The following SLC11A2 variants were observed in gnomAD, a reference collection of about 807,000 sequenced individuals.
The protein encoded by SLC11A2 is solute carrier family 11 member 2.
Under a neutral mutation model 68.0 loss-of-function variants are expected in SLC11A2, and 38 were observed. The ratio of observed to expected loss-of-function variants is 0.56; its 90% CI spans 0.43 to 0.73. SLC11A2 has a LOEUF of 0.73. Ranked by LOEUF, SLC11A2 falls within the 30% of genes least tolerant of loss-of-function variation. SLC11A2 has a pLI of 0.00. For synonymous variants in SLC11A2, 242 were observed against 250.6 expected (o/e 0.97, Z 0.32); for missense variants, 517 against 690.5 (o/e 0.75, Z 2.82).
At position 50,994,643 on chromosome 12, in the gene SLC11A2, G is replaced by A. The variant is rs772752266; in HGVS notation, c.991-13C>T. 6.4e-7 allele frequency: 1 copy of A among 1,558,864 alleles called. No individual in the cohort carries two copies. Among genetic ancestry groups the A allele is most frequent in the Non-Finnish European group, 8.9e-7 (1 of 1,129,578 alleles). On this transcript the variant is annotated splice_polypyrimidine_tract_variant and intron_variant, in intron 10 of 15. Coordinates refer to ENST00000262052, the MANE Select transcript of SLC11A2 (RefSeq NM_000617.3). The stretch of plus-strand genomic sequence containing the variant: ...TACAGACTTCAACCTAGAACCCAAA[G>A]CAATTCAACAGCAACTTTTGTTTCA...
At position 50,992,236 on chromosome 12, in the gene SLC11A2, T is replaced by A; in HGVS notation, c.1301A>T (p.His434Leu). 6.2e-7 allele frequency: 1 copy of A among 1,614,092 alleles called. No homozygotes were observed. The highest frequency in any genetic ancestry group is 8.5e-7 in the Non-Finnish European group (1 of 1,179,954). ...CAGAAAGTCATTCATCCCTGTTAGA[T>A]GCTCTACATCTTGGAAGACAGCAAC... ...LLVAVFQDVE[H>L]LTGMNDFLNV... The change falls in exon 13 of 16, where the codon CAT (histidine) becomes CTT (leucine). Residue 434 changes from histidine (H) to leucine (L), a missense_variant. His to Leu is a moderately conservative substitution (Grantham distance 99). Coordinates refer to ENST00000262052, the MANE Select transcript of SLC11A2 (RefSeq NM_000617.3).
Position 51,008,589 on chromosome 12 carries a change from G to T in SLC11A2, c.70C>A (p.Leu24Ile). Residue 24 changes from leucine to isoleucine, a missense_variant, in exon 3 of 16, where the codon CTT (leucine) becomes ATT (isoleucine). Transcript: ENST00000262052. ...CTATAGGCAGGGTTGATGTTACCAA[G>T]ACTGGCAGACTCCCCATGATCTCCA... is the stretch of plus-strand genomic sequence containing the variant. ...VSGDHGESAS[L>I]GNINPAYSNP... 1.2e-6 allele frequency: 2 copies of T among 1,612,842 alleles called. No individual in the cohort carries two copies. The highest frequency in any genetic ancestry group is 1.7e-6 in the Non-Finnish European group (2 of 1,178,920).
chr12:50,997,902 C>T (rs527632026), intron 8 of SLC11A2, among the ~76,000 whole-genome samples: 1 of 150,618 alleles, frequency 6.6e-6, no homozygotes, highest in African/African-American at 2.4e-5. Context: ...GCAGGAGAAT[C>T]GCTTGAACCT....
downstream of SLC11A2, among the ~76,000 whole-genome samples, chr12:50,977,717 G>A (rs914570169): frequency 2.0e-5 from 3 of 152,046 alleles, no homozygotes; most frequent in African/African-American, 4.8e-5. Context: ...GCAACCTACA[G>A]AATGGGAGAA....
chr12:50,955,938 C>T, the SLC11A2 span, among the ~76,000 whole-genome samples: 1 of 152,104 alleles, frequency 6.6e-6, no homozygotes, highest in African/African-American at 2.4e-5. Context: ...AAAAGTGTTT[C>T]CAGCTAAATT....
downstream of SLC11A2, among the ~76,000 whole-genome samples, chr12:50,978,347 A>G (rs1470969477): frequency 2.6e-5 from 4 of 152,010 alleles, no homozygotes; most frequent in Admixed American, 6.6e-5. Context: ...TTCTAGGGAC[A>G]TGGATGAAGC....
rs1565980989 is a variant in SLC11A2 at position 50,987,721 on chromosome 12, AC to A, written c.*603del. The A allele has an allele frequency of 7.8e-7, 1 of 1,287,130 alleles. No individual in the cohort carries two copies. Among genetic ancestry groups the A allele is most frequent in the Non-Finnish European group, 1.0e-6 (1 of 988,650 alleles). The allele number at this position is 1,287,130 out of a possible 1,614,324, so 79.7% of individuals were successfully genotyped here. A position where few individuals can be genotyped will look rare whatever the true frequency, so the allele number is the denominator to read the frequency against. ...AGTTTTTCCCCTTCTTTGTTTTCTC[AC>A]CCCTCTTAACTTCCACTGAGAAATT... On this transcript the variant is annotated 3_prime_UTR_variant, in exon 16 of 16. Transcript: ENST00000262052.
At chr12:50,983,275 T>C (rs1447884226), downstream of SLC11A2, among the ~76,000 whole-genome samples, 1 of 152,238 alleles carries the variant, frequency 6.6e-6, no homozygotes, top group Non-Finnish European at 1.5e-5. Context: ...GAATACACCT[T>C]GAGACAAGTT....
intron 3 of SLC11A2, chr12:51,005,695 G>A: frequency 1.5e-6 from 2 of 1,319,032 alleles, no homozygotes; most frequent in South Asian, 1.2e-5. Context: ...CAGAATAACA[G>A]TATCAGTACC....
Position 51,009,301 on chromosome 12 carries a change from T to G in SLC11A2, c.35-677A>C, listed in dbSNP as rs529571902. 8.3e-5 allele frequency: 107 copies of G among 1,288,254 alleles called. No individual in the cohort carries two copies. The African/African-American group carries it at 1.5e-3, about 18-fold the overall frequency. The allele number at this position is 1,288,254 out of a possible 1,614,324, so 79.8% of individuals were successfully genotyped here. A position where few individuals can be genotyped will look rare whatever the true frequency, so the allele number is the denominator to read the frequency against. On this transcript the variant is annotated intron_variant, in intron 2 of 15. Coordinates refer to ENST00000262052, the MANE Select transcript of SLC11A2 (RefSeq NM_000617.3). ...CGGTCACGGGGTACTGGCACCCTCG[T>G]GATGGCAGGGCTCATCTCAGACTGA...
chr12:50,980,081 C>G, downstream of SLC11A2: 1 of 389,930 alleles, frequency 2.6e-6, no homozygotes, highest in South Asian at 1.9e-5. Context: ...CAAAAATTAG[C>G]TGGGTGTGGT....
intron 3 of SLC11A2, chr12:51,008,183 T>A: frequency 3.1e-6 from 1 of 319,444 alleles, no homozygotes; most frequent in Non-Finnish European, 5.9e-6. Flanking sequence ...GGAGCCTAGA[T>A]GACAGAGCAA....
At chr12:51,019,700 T>C (rs1943906662) in intron 1 of SLC11A2, among the ~76,000 whole-genome samples, 1 of 149,240 alleles carries the variant, frequency 6.7e-6, no homozygotes, top group South Asian at 2.1e-4. Context: ...CAGGCTGGAG[T>C]GCAGTGGCGT....
intron 14 of SLC11A2, 45 bp downstream of exon 14, chr12:50,991,554 C>T (rs1941150026): frequency 6.8e-7 from 1 of 1,477,400 alleles, no homozygotes; most frequent in African/African-American, 1.4e-5. Context: ...GATACCCTTT[C>T]CCCATATCAG....
chr12:50,974,630 CA>C, downstream of SLC11A2, among the ~76,000 whole-genome samples: 1 of 152,304 alleles, frequency 6.6e-6, no homozygotes, highest in South Asian at 2.1e-4. Context: ...ATCAAATTCA[CA>C]CATAACAATA....
chr12:50,954,522 T>A, the SLC11A2 span, among the ~76,000 whole-genome samples: 1 of 152,202 alleles, frequency 6.6e-6, no homozygotes, highest in Non-Finnish European at 1.5e-5. Flanking sequence ...CATCTTCTGT[T>A]TATAGATTTT....
At chr12:50,988,541 C>A in intron 15 of SLC11A2, 106 bp from the exon 16 acceptor site, 2 of 1,542,498 alleles carry the variant, frequency 1.3e-6, no homozygotes, top group Non-Finnish European at 1.7e-6. Flanking sequence ...GAACATCCAG[C>A]TGTGCCCATC....
chr12:51,002,269 G>T (rs555972389), intron 5 of SLC11A2, among the ~76,000 whole-genome samples: 1 of 152,114 alleles, frequency 6.6e-6, no homozygotes, highest in Non-Finnish European at 1.5e-5. Context: ...GGCTGCTTGC[G>T]CCTGGGAGGT....
downstream of SLC11A2, chr12:50,980,262 G>A (rs958990750): frequency 1.8e-4 from 33 of 187,452 alleles, no homozygotes; most frequent in African/African-American, 6.9e-4. Context: ...GCTCACACCT[G>A]TAATCCCAGC....
Sources: gnomAD v4.1 joint callset for allele counts (sites outside exome capture counted in the v4.1 genomes callset) on GRCh38, gnomAD v4.1.1 for gene constraint, MANE v1.5 for transcripts, NCBI Gene and HGNC (gene_info 2026-07-23, HGNC 2026-07-21) for gene names.